Variants in SLC14A1 observed in about 807,000 individuals in gnomAD.
SLC14A1 encodes solute carrier family 14 member 1 (Kidd blood group), also known as urea transporter 1.
A neutral mutation model predicts 39.6 loss-of-function variants in SLC14A1; 36 were observed. The ratio of observed to expected loss-of-function variants is 0.91; its 90% CI spans 0.70 to 1.20. The LOEUF (loss-of-function observed/expected upper bound fraction) is 1.20. Among genes scored for constraint, SLC14A1 ranks in the 50% most tolerant of loss-of-function variants. The pLI is 0.00. For missense variants in SLC14A1, 469 were observed against 478.7 expected, an observed-to-expected ratio of 0.98 and a Z score of 0.19; for synonymous variants, 164 against 173.6, an observed-to-expected ratio of 0.94 and a Z score of 0.43.
In SLC14A1 at chr18:45,750,194, G is replaced by A; in HGVS notation, c.*243G>A. On this transcript the variant is annotated 3_prime_UTR_variant, in exon 10 of 10. Coordinates refer to ENST00000321925, the MANE Select transcript of SLC14A1 (RefSeq NM_015865.7). ...AATTTGAAACCCCAATGGGGCCTTG[G>A]CACTAAGACTGGAATGTATATAAAG... 7.1e-7 allele frequency: 1 copy of A among 1,411,722 alleles called. No homozygotes were observed. Among genetic ancestry groups the A allele is most frequent in the South Asian group, 1.5e-5 (1 of 65,870 alleles). 87.4% of individuals were successfully genotyped at this position (1,411,722 alleles called of 1,614,324 possible).
chr18:45,739,083 A>G, intron 6 of SLC14A1, 80 bp from the exon 7 acceptor site: 1 of 1,422,766 alleles, frequency 7.0e-7, no homozygotes, highest in Non-Finnish European at 9.9e-7. Flanking sequence ...CTAAAATTAC[A>G]TTGTAGGAGT....
intron 8 of SLC14A1, among the ~76,000 whole-genome samples, chr18:45,745,116 G>A (rs9948447): frequency 1.0e-3 from 158 of 152,274 alleles, no homozygotes; most frequent in African/African-American, 3.6e-3. Context: ...GGTAGCACGC[G>A]CCTATAGTCC....
intron 8 of SLC14A1, among the ~76,000 whole-genome samples, chr18:45,746,290 G>T (rs1013713366): frequency 6.6e-6 from 1 of 152,170 alleles, no homozygotes; most frequent in African/African-American, 2.4e-5. Context: ...TGCTGTCAGG[G>T]TCATTGCCTA....
In SLC14A1 at chr18:45,751,676, A is replaced by T; in HGVS notation, c.*1725A>T. ...CACACATCTGCAGCAGCTACTCAGGAGGCTGAGGTGGAAAGATCGCTTGTG... is the reference window on the plus strand; with the variant it reads ...CACACATCTGCAGCAGCTACTCAGGTGGCTGAGGTGGAAAGATCGCTTGTG... On this transcript the variant is annotated 3_prime_UTR_variant, in exon 10 of 10. Transcript: ENST00000321925. 4.8e-6 allele frequency: 2 copies of T among 418,428 alleles called. No homozygotes were observed. The highest frequency in any genetic ancestry group is 6.4e-6 in the Non-Finnish European group (2 of 312,402). The allele number at this position is 418,428 out of a possible 1,614,324, so 25.9% of individuals were successfully genotyped here. A position where few individuals can be genotyped will look rare whatever the true frequency, so the allele number is the denominator to read the frequency against.
In SLC14A1 at chr18:45,730,391, C is replaced by T. The variant is rs756427253; in HGVS notation, c.71C>T (p.Pro24Leu). The T allele has an allele frequency of 1.2e-6, 2 of 1,614,022 alleles. No individual in the cohort carries two copies. The highest frequency in any genetic ancestry group is 1.3e-5 in the African/African-American group (1 of 74,890). Residue 24 changes from proline to leucine, a missense_variant, in exon 3 of 10, where the codon CCA (proline) becomes CTA (leucine). By Grantham distance (98) the Pro-to-Leu change is moderately conservative (BLOSUM62 -3). Coordinates refer to ENST00000321925, the MANE Select transcript of SLC14A1 (RefSeq NM_015865.7). ...TMVRGENQVS[P>L]CQGRRCFPKA... ...GTTAGGGGTGAAAACCAGGTTTCGC[C>T]ATGTCAAGGGAGAAGGTGCTTCCCC... is the stretch of plus-strand genomic sequence containing the variant.
At chr18:45,744,311 AG>A (rs1417811428) in intron 8 of SLC14A1, among the ~76,000 whole-genome samples, 10 of 152,168 alleles carry the variant, frequency 6.6e-5, no homozygotes, top group African/African-American at 2.2e-4. Flanking sequence ...TTTTTCAAAG[AG>A]GGTTTGCAAA....
At position 45,734,255 on chromosome 18, in the gene SLC14A1, T is replaced by A. The variant is rs199975559; in HGVS notation, c.342-19T>A. 5.9e-5 allele frequency: 96 copies of A among 1,613,860 alleles called. No individual in the cohort carries two copies. Among genetic ancestry groups the A allele is most frequent in the Middle Eastern group, 1.6e-4 (1 of 6,078 alleles). The stretch of plus-strand genomic sequence containing the variant: ...AAGCTCACCCAGGAAATGTCCGTGC[T>A]GTGTCTCTTGCCCCACAGGTCATTA... On this transcript the variant is annotated intron_variant, in intron 4 of 9. Transcript: ENST00000321925.
chr18:45,746,749 G>T (rs1170723815), intron 8 of SLC14A1, among the ~76,000 whole-genome samples: 1 of 152,224 alleles, frequency 6.6e-6, no homozygotes, highest in Non-Finnish European at 1.5e-5. Context: ...GTCCCATGGT[G>T]AAAGAGATGC....
intron 1 of SLC14A1, among the ~76,000 whole-genome samples, chr18:45,724,674 C>T (rs182812072): frequency 1.6e-3 from 250 of 152,230 alleles, no homozygotes; most frequent in African/African-American, 5.6e-3. Flanking sequence ...GTCTACAAGA[C>T]TCAAAAGAAA....
chr18:45,726,474 TA>T (rs2046866682), intron 2 of SLC14A1, among the ~76,000 whole-genome samples: 1 of 152,202 alleles, frequency 6.6e-6, no homozygotes. Context: ...AAAAACTGTT[TA>T]TTATTAACAA....
chr18:45,743,184 G>A (rs539672461), intron 8 of SLC14A1, among the ~76,000 whole-genome samples: 3 of 152,348 alleles, frequency 2.0e-5, no homozygotes, highest in African/African-American at 7.2e-5. Flanking sequence ...TCCCTAGAGA[G>A]GGCTTTTTTG....
Position 45,751,974 on chromosome 18 carries a change from T to A in SLC14A1, c.*2023T>A, listed in dbSNP as rs984879607. On this transcript the variant is annotated 3_prime_UTR_variant, in exon 10 of 10. Coordinates refer to ENST00000321925, the MANE Select transcript of SLC14A1 (RefSeq NM_015865.7). Reference sequence around the variant, plus strand: ...ATTTTGCTGAATGAATAAACAGAAATAGGGAAGTAAACCTACAAATATTTT... The same window carrying A: ...ATTTTGCTGAATGAATAAACAGAAAAAGGGAAGTAAACCTACAAATATTTT... 30 of 985,188 alleles carry A rather than the reference T, an allele frequency of 3.0e-5. No individual in the cohort carries two copies. Among genetic ancestry groups the A allele is most frequent in the Admixed American group, 6.2e-5 (1 of 16,248 alleles). 61.0% of individuals were successfully genotyped at this position (985,188 alleles called of 1,614,324 possible).
chr18:45,739,033 G>T (rs1388907267), intron 6 of SLC14A1, 130 bp from the exon 7 acceptor site: 1 of 967,074 alleles, frequency 1.0e-6, no homozygotes, highest in Non-Finnish European at 1.7e-6. Context: ...ATTTTAAATG[G>T]TATTAACACT....
chr18:45,752,268 C>T lies in SLC14A1; in HGVS notation c.*2317C>T. 1 of 984,734 alleles carries T rather than the reference C, an allele frequency of 1.0e-6. No homozygotes were observed. The highest frequency in any genetic ancestry group is 5.2e-4 in the Middle Eastern group (1 of 1,914). 61.0% of individuals were successfully genotyped at this position (984,734 alleles called of 1,614,324 possible). ...AGAATCTAGGCTGTGGCTGAGAGAA[C>T]CAGAGGCCTCTAAAATGGACCCGAG... On this transcript the variant is annotated 3_prime_UTR_variant, in exon 10 of 10. Transcript: ENST00000321925.
intron 1 of SLC14A1, among the ~76,000 whole-genome samples, chr18:45,724,561 ATGTGCTCAATGATTC>A (rs1249971222): frequency 6.6e-6 from 1 of 152,170 alleles, no homozygotes; most frequent in Non-Finnish European, 1.5e-5. Context: ...TGTCCACCCA[ATGTGCTCAATGATTC>A]TGGGTTAATC....
rs539466323 is a variant in SLC14A1 at position 45,736,401 on chromosome 18, C to T, written c.471-55C>T. 1.7e-3 allele frequency: 2,580 copies of T among 1,558,512 alleles called. 3 individuals are homozygous for T. The highest frequency in any genetic ancestry group is 2.0e-3 in the Non-Finnish European group (2,231 of 1,130,228). ...AAGCCCCTCCAGAGTATAGCGATTC[C>T]GTGTGTCAGCCTGCTTTGTCACATG... On this transcript the variant is annotated intron_variant, in intron 5 of 9. Transcript: ENST00000321925.
At chr18:45,735,445 T>A (rs531698678) in intron 5 of SLC14A1, among the ~76,000 whole-genome samples, 1 of 152,216 alleles carries the variant, frequency 6.6e-6, no homozygotes, top group Non-Finnish European at 1.5e-5. Flanking sequence ...TAGAAAAAAT[T>A]TTTTTGCTGA....
chr18:45,730,986 T>G, intron 3 of SLC14A1, 29 bp from the exon 4 acceptor site: 1 of 1,611,314 alleles, frequency 6.2e-7, no homozygotes, highest in Non-Finnish European at 8.5e-7. Flanking sequence ...GGCAGCTTCC[T>G]TAGCTCTGCT....
Position 45,750,138 on chromosome 18 carries a change from A to C in SLC14A1, c.*187A>C. The C allele has an allele frequency of 6.8e-7, 1 of 1,469,542 alleles. No individual in the cohort carries two copies. Among genetic ancestry groups the C allele is most frequent in the Non-Finnish European group, 9.0e-7 (1 of 1,116,414 alleles). 91.0% of individuals were successfully genotyped at this position (1,469,542 alleles called of 1,614,324 possible). A position where few individuals can be genotyped will look rare whatever the true frequency, so the allele number is the denominator to read the frequency against. On this transcript the variant is annotated 3_prime_UTR_variant, in exon 10 of 10. Transcript: ENST00000321925. ...CCAGGAATATCCTTGAGCATATGAG[A>C]GTCACATCCAGGTGATGTGCTCTGG...
Sources: gnomAD v4.1 joint callset for allele counts (sites outside exome capture counted in the v4.1 genomes callset) on GRCh38, gnomAD v4.1.1 for gene constraint, MANE v1.5 for transcripts, NCBI Gene and HGNC (gene_info 2026-07-23, HGNC 2026-07-21) for gene names.